Variants in MICAL2 observed in about 807,000 individuals in gnomAD.
MICAL2 encodes the protein microtubule associated monooxygenase, calponin and LIM domain containing 2.
A neutral mutation model predicts 127.3 loss-of-function variants in MICAL2; 77 were observed. The ratio of observed to expected loss-of-function variants is 0.60; its 90% CI spans 0.50 to 0.73. MICAL2 has a LOEUF of 0.73. Among genes scored for constraint, MICAL2 ranks in the 30% least tolerant of loss-of-function variants. MICAL2 has a pLI of 0.00. For missense variants in MICAL2, 1,351 were observed against 1,434.4 expected (o/e 0.94, Z 0.94); for synonymous variants, 570 against 551.1 (o/e 1.03, Z -0.48).
intron 25 of MICAL2, 70 bp from the exon 26 acceptor site, chr11:12,259,725 T>G: frequency 7.3e-7 from 1 of 1,370,390 alleles, no homozygotes. Flanking sequence ...TTGTATTGGC[T>G]GTTGGCTTTG....
intron 26 of MICAL2, chr11:12,261,450 C>T: frequency 1.0e-6 from 1 of 985,500 alleles, no homozygotes; most frequent in Non-Finnish European, 1.2e-6. Context: ...GAAGAGTCCT[C>T]AGCTCTCCCT....
chr11:12,112,536 G>C (rs991586896), intron 1 of MICAL2, among the ~76,000 whole-genome samples: 1 of 150,578 alleles, frequency 6.6e-6, no homozygotes, highest in African/African-American at 2.5e-5. Context: ...TTCTAGTTTC[G>C]TGGGGCTTTT....
chr11:12,225,806 A>G (rs1242044333), intron 13 of MICAL2: 3 of 289,104 alleles, frequency 1.0e-5, no homozygotes, highest in East Asian at 1.7e-4. Context: ...TTTATATGCT[A>G]TATAACTTGA....
intron 1 of MICAL2, among the ~76,000 whole-genome samples, chr11:12,129,638 T>TC (rs59360777): frequency 4.8e-4 from 69 of 144,982 alleles, no homozygotes; most frequent in Non-Finnish European, 8.1e-4. Context: ...TTCTTCTTCT[T>TC]TTTTTTTTTT....
chr11:12,260,716 G>T, intron 26 of MICAL2: 1 of 985,498 alleles, frequency 1.0e-6, no homozygotes, highest in Non-Finnish European at 1.2e-6. Flanking sequence ...AGAGTAGAAG[G>T]GCAGAATAGA....
At chr11:12,210,923 C>T (rs950791985) in intron 6 of MICAL2, among the ~76,000 whole-genome samples, 7 of 152,224 alleles carry the variant, frequency 4.6e-5, no homozygotes, top group Non-Finnish European at 1.0e-4. Flanking sequence ...CTGGCAGCAC[C>T]CCCAGGTGCG....
intron 24 of MICAL2, among the ~76,000 whole-genome samples, chr11:12,271,071 A>G (rs1863669659): frequency 6.6e-6 from 1 of 152,124 alleles, no homozygotes; most frequent in South Asian, 2.1e-4. Context: ...TCCCAGGCTC[A>G]TAGGTAGGCC....
chr11:12,146,611 G>A (rs1852935618), intron 2 of MICAL2, among the ~76,000 whole-genome samples: 1 of 152,194 alleles, frequency 6.6e-6, no homozygotes, highest in African/African-American at 2.4e-5. Flanking sequence ...TACACTGTTG[G>A]TGGGACTGTA....
chr11:12,358,280 C>CT (rs778927870), intron 34 of MICAL2: 25 of 1,601,798 alleles, frequency 1.6e-5, no homozygotes, highest in African/African-American at 8.1e-5. Flanking sequence ...CAGTGGTTTT[C>CT]TTTTTTTTCT....
intron 1 of MICAL2, among the ~76,000 whole-genome samples, chr11:12,124,902 A>T (rs1270582392): frequency 1.3e-5 from 2 of 152,200 alleles, no homozygotes; most frequent in Non-Finnish European, 2.9e-5. Context: ...ACAGGAAATG[A>T]TTGTTTTTCC....
intron 15 of MICAL2, among the ~76,000 whole-genome samples, chr11:12,235,243 G>A (rs759912596): frequency 2.0e-5 from 3 of 152,168 alleles, no homozygotes; most frequent in Non-Finnish European, 2.9e-5. Context: ...GCATCAGCTC[G>A]GCCTCCAGAG....
chr11:12,120,949 T>A (rs1021808526), intron 1 of MICAL2, among the ~76,000 whole-genome samples: 1 of 152,120 alleles, frequency 6.6e-6, no homozygotes, highest in Non-Finnish European at 1.5e-5. Context: ...GGGAACAGGG[T>A]GGGGGGCAGT....
At chr11:12,203,797 G>T (rs928784397) in intron 3 of MICAL2, among the ~76,000 whole-genome samples, 1 of 152,014 alleles carries the variant, frequency 6.6e-6, no homozygotes, top group African/African-American at 2.4e-5. Context: ...TTAGTTGTTT[G>T]TGCTTTTCCT....
chr11:12,140,927 G>T (rs997783597), intron 2 of MICAL2, among the ~76,000 whole-genome samples: 1 of 152,190 alleles, frequency 6.6e-6, no homozygotes, highest in Non-Finnish European at 1.5e-5. Context: ...TATTATCTTA[G>T]ATATGCAGGG....
rs118118877 is a variant in MICAL2, at chr11:12,256,033, G to A, written c.2955+283G>A. ...CTGGTAGAAAGGCCCAGGTGAGGCCGTGAGCATAATTGAATGGCCCTCACT... is the reference window on the plus strand; with the variant it reads ...CTGGTAGAAAGGCCCAGGTGAGGCCATGAGCATAATTGAATGGCCCTCACT... On this transcript the variant is annotated intron_variant, in intron 23 of 27. Coordinates refer to ENST00000683283, the MANE Select transcript of MICAL2 (RefSeq NM_001282663.2). 103 of 375,188 alleles carry A rather than the reference G, an allele frequency of 2.7e-4. 1 individual carries two copies. The East Asian group carries it at 3.8e-3, about 14-fold the overall frequency. The allele number at this position is 375,188 out of a possible 1,614,324, so 23.2% of individuals were successfully genotyped here. A position where few individuals can be genotyped will look rare whatever the true frequency, so the allele number is the denominator to read the frequency against.
chr11:12,247,765 G>A (rs754897876), intron 21 of MICAL2, among the ~76,000 whole-genome samples: 1 of 152,230 alleles, frequency 6.6e-6, no homozygotes, highest in Non-Finnish European at 1.5e-5. Context: ...GTTCCTTAAA[G>A]TAGGTGATGA....
At chr11:12,128,394 T>A (rs572038516) in intron 1 of MICAL2, among the ~76,000 whole-genome samples, 6 of 152,238 alleles carry the variant, frequency 3.9e-5, no homozygotes, top group Non-Finnish European at 8.8e-5. Context: ...AACCACATCT[T>A]ACAGATGAGG....
upstream of MICAL2, among the ~76,000 whole-genome samples, chr11:12,272,071 C>T (rs963788431): frequency 2.3e-4 from 35 of 152,208 alleles, no homozygotes; most frequent in African/African-American, 8.2e-4. Context: ...CCAGGCTGAG[C>T]CCTGGCCTGT....
At chr11:12,137,125 C>T (rs1472251572) in intron 1 of MICAL2, among the ~76,000 whole-genome samples, 1 of 152,242 alleles carries the variant, frequency 6.6e-6, no homozygotes, top group Non-Finnish European at 1.5e-5. Flanking sequence ...GCAGCACAGG[C>T]TGATAGAATG....
Sources: allele counts gnomAD v4.1 joint callset (sites outside exome capture counted in the v4.1 genomes callset), GRCh38; gene constraint gnomAD v4.1.1; transcripts MANE v1.5; gene names NCBI Gene and HGNC (gene_info 2026-07-23, HGNC 2026-07-21).